The following PALLD variants were observed in gnomAD, a reference collection of about 807,000 sequenced individuals.
PALLD encodes the protein palladin, cytoskeletal associated protein, also known as palladin.
Under a neutral mutation model 123.5 loss-of-function variants are expected in PALLD, and 61 were observed. The ratio of observed to expected loss-of-function variants is 0.49; its 90% confidence interval spans 0.40 to 0.61. PALLD has a LOEUF of 0.61. Ranked by LOEUF, PALLD falls within the 20% of genes least tolerant of loss-of-function variation. The pLI is 0.00. For missense variants in PALLD, 1,273 were observed against 1,377.0 expected (o/e 0.92, Z 1.20); for synonymous variants, 465 against 496.4 (o/e 0.94, Z 0.84).
intron 10 of PALLD, among the ~76,000 whole-genome samples, chr4:168,834,501 G>A (rs1343081760): frequency 6.6e-6 from 1 of 152,156 alleles, no homozygotes; most frequent in Non-Finnish European, 1.5e-5. Flanking sequence ...CACTTTGGGA[G>A]GCCGAGGCGG....
chr4:168,739,536 G>T (rs565309324), intron 10 of PALLD, among the ~76,000 whole-genome samples: 21 of 152,284 alleles, frequency 1.4e-4, no homozygotes, highest in African/African-American at 5.1e-4. Context: ...GAAAGTTGTT[G>T]TATATTTCAG....
chr4:168,515,698 C>CG (rs1309667976), intron 2 of PALLD, among the ~76,000 whole-genome samples: 4 of 152,198 alleles, frequency 2.6e-5, no homozygotes, highest in Admixed American at 6.5e-5. Flanking sequence ...AGCTGGAACA[C>CG]GGGGGAGAAA....
At chr4:168,665,798 C>A (rs896812609) in intron 2 of PALLD, among the ~76,000 whole-genome samples, 4 of 152,142 alleles carry the variant, frequency 2.6e-5, no homozygotes, top group African/African-American at 7.2e-5. Context: ...CAGGACCACA[C>A]TTTGAGGAGC....
chr4:168,810,419 C>T (rs1483047328), intron 10 of PALLD, among the ~76,000 whole-genome samples: 3 of 152,024 alleles, frequency 2.0e-5, no homozygotes, highest in Non-Finnish European at 2.9e-5. Flanking sequence ...CTTTGGGAGG[C>T]CAAGGCTGGT....
chr4:168,665,139 AATC>A (rs1395086874), intron 2 of PALLD, among the ~76,000 whole-genome samples: 1 of 152,216 alleles, frequency 6.6e-6, no homozygotes, highest in East Asian at 1.9e-4. Flanking sequence ...ACTAGGATAC[AATC>A]ATGTTTCTGA....
At chr4:168,670,954 T>C (rs552674867) in intron 3 of PALLD, among the ~76,000 whole-genome samples, 1 of 149,736 alleles carries the variant, frequency 6.7e-6, no homozygotes, top group Admixed American at 6.7e-5. Flanking sequence ...TAGTCCCAGC[T>C]ACCCAGGAGA....
At chr4:168,873,299 A>G (rs1020452836) in intron 10 of PALLD, among the ~76,000 whole-genome samples, 2 of 152,232 alleles carry the variant, frequency 1.3e-5, no homozygotes, top group African/African-American at 4.8e-5. Context: ...TCAGGACCAG[A>G]GGAGCTTATG....
chr4:168,863,706 T>A (rs988066636), intron 10 of PALLD: 2 of 152,248 alleles, frequency 1.3e-5, no homozygotes, highest in East Asian at 3.8e-4. Flanking sequence ...ATTTTGACAT[T>A]TTTGTAAATT....
chr4:168,882,597 A>G (rs1166046103), intron 10 of PALLD, among the ~76,000 whole-genome samples: 2 of 152,146 alleles, frequency 1.3e-5, no homozygotes, highest in African/African-American at 4.8e-5. Context: ...CCTATTTTTC[A>G]GGAAACAGAT....
rs368472947 is a variant in PALLD at position 168,913,939 on chromosome 4, T to A, written c.2635T>A (p.Cys879Ser). The change falls in exon 16 of 22, where the codon TGT becomes AGT. Residue 879 changes from cysteine to serine, a missense_variant. Cys to Ser is a moderately radical substitution (Grantham distance 112, BLOSUM62 -1). Coordinates refer to ENST00000505667, the MANE Select transcript of PALLD (RefSeq NM_001166108.2). Reference sequence around the variant, plus strand: ...GATATTTCTACAGGGCCGCATCAGTTGTACTGGACGGCTAATGGTACAGGC... The same window carrying A: ...GATATTTCTACAGGGCCGCATCAGTAGTACTGGACGGCTAATGGTACAGGC... ...MAANPQGRIS[C>S]TGRLMVQAVN... 7 of 1,610,612 alleles carry A rather than the reference T, an allele frequency of 4.3e-6. No individual in the cohort carries two copies. Among genetic ancestry groups the A allele is most frequent in the Non-Finnish European group, 5.1e-6 (6 of 1,176,884 alleles).
chr4:168,907,143 C>T (rs1757983940), intron 15 of PALLD, among the ~76,000 whole-genome samples: 1 of 151,820 alleles, frequency 6.6e-6, no homozygotes. Context: ...AATAATAATA[C>T]AGATTTAAAT....
intron 2 of PALLD, among the ~76,000 whole-genome samples, chr4:168,554,629 G>A (rs1488269078): frequency 6.6e-6 from 1 of 152,176 alleles, no homozygotes; most frequent in Non-Finnish European, 1.5e-5. Flanking sequence ...TTGAGGCTAA[G>A]TACGCTCTTA....
At chr4:168,584,615 T>C (rs1261855815) in intron 2 of PALLD, among the ~76,000 whole-genome samples, 1 of 152,222 alleles carries the variant, frequency 6.6e-6, no homozygotes, top group Non-Finnish European at 1.5e-5. Context: ...TCTATCTTAG[T>C]CACCAAGTAT....
At chr4:168,756,062 T>C (rs59447678) in intron 10 of PALLD, 6,914 of 171,912 alleles carry the variant, frequency 0.04, 174 homozygotes, top group East Asian at 0.092. Context: ...AAGGGCGTTA[T>C]ACTGGGCTTC....
At chr4:168,537,490 A>G (rs1011843167) in intron 2 of PALLD, among the ~76,000 whole-genome samples, 5 of 152,220 alleles carry the variant, frequency 3.3e-5, no homozygotes, top group African/African-American at 9.6e-5. Context: ...GATGCTTTAC[A>G]AAGTGCCATG....
chr4:168,575,317 A>G (rs574449545), intron 2 of PALLD, among the ~76,000 whole-genome samples: 2 of 152,264 alleles, frequency 1.3e-5, no homozygotes, highest in Admixed American at 1.3e-4. Context: ...GACTCAGGAA[A>G]CTTACAATCA....
chr4:168,584,264 A>T (rs1770592687), intron 2 of PALLD, among the ~76,000 whole-genome samples: 1 of 152,016 alleles, frequency 6.6e-6, no homozygotes, highest in African/African-American at 2.4e-5. Context: ...AGCAATTAAA[A>T]TTAATATATT....
chr4:168,876,597 C>G (rs531107815), intron 10 of PALLD, among the ~76,000 whole-genome samples: 2 of 152,330 alleles, frequency 1.3e-5, no homozygotes, highest in East Asian at 3.8e-4. Flanking sequence ...GAGTTTAGAA[C>G]TTGCTGATGT....
intron 10 of PALLD, among the ~76,000 whole-genome samples, chr4:168,725,198 G>C (rs1423460350): frequency 6.6e-6 from 1 of 152,204 alleles, no homozygotes; most frequent in Middle Eastern, 3.2e-3. Flanking sequence ...CAATGGAAAA[G>C]AGTAGGTGTA....
Sources: allele counts gnomAD v4.1 joint callset (sites outside exome capture counted in the v4.1 genomes callset), GRCh38; gene constraint gnomAD v4.1.1; transcripts MANE v1.5; gene names NCBI Gene and HGNC (gene_info 2026-07-23, HGNC 2026-07-21).